LCLAT1: variants seen among roughly 807,000 people sequenced by gnomAD.
LCLAT1 encodes the protein 1-AGP acyltransferase 8.
In LCLAT1, 11 loss-of-function variants were observed where a neutral mutation model predicts 30.7. The ratio of observed to expected loss-of-function variants is 0.36; its 90% confidence interval spans 0.23 to 0.59. The LOEUF (loss-of-function observed/expected upper bound fraction) is 0.59. LCLAT1 is among the 20% of genes least tolerant of loss of function. The probability of loss-of-function intolerance (pLI) is 0.77; values close to 1 mark genes in which losing one functional copy is unlikely to be tolerated. For synonymous variants in LCLAT1, 155 were observed against 151.3 expected (o/e 1.02, Z -0.18); for missense variants, 402 against 458.6 (o/e 0.88, Z 1.13).
intron 1 of LCLAT1, among the ~76,000 whole-genome samples, chr2:30,493,950 C>G (rs975125115): frequency 1.3e-5 from 2 of 152,108 alleles, no homozygotes; most frequent in African/African-American, 2.4e-5. Context: ...GTCAGGCGTT[C>G]AAGACCAGCC....
At chr2:30,448,895 G>C (rs2148248104) in intron 1 of LCLAT1, among the ~76,000 whole-genome samples, 1 of 152,228 alleles carries the variant, frequency 6.6e-6, no homozygotes, top group South Asian at 2.1e-4. Context: ...TCATTGCACT[G>C]TTGGGAGGAA....
At chr2:30,456,998 T>C (rs1681870870) in intron 1 of LCLAT1, among the ~76,000 whole-genome samples, 1 of 152,216 alleles carries the variant, frequency 6.6e-6, no homozygotes. Context: ...TTTGGGTTAG[T>C]TACTTGGAAG....
chr2:30,552,467 C>A, intron 3 of LCLAT1: 1 of 411,812 alleles, frequency 2.4e-6, no homozygotes, highest in Non-Finnish European at 5.0e-6. Flanking sequence ...ATATTTTATA[C>A]TTTGATTTCT....
intron 1 of LCLAT1, among the ~76,000 whole-genome samples, chr2:30,487,984 T>C (rs1045853316): frequency 6.6e-6 from 1 of 152,236 alleles, no homozygotes; most frequent in Admixed American, 6.5e-5. Context: ...TGCATTCCTC[T>C]GAATATACCA....
At chr2:30,518,363 T>C (rs1303788092) in intron 1 of LCLAT1, among the ~76,000 whole-genome samples, 2 of 152,178 alleles carry the variant, frequency 1.3e-5, no homozygotes, top group Non-Finnish European at 2.9e-5. Flanking sequence ...CAGTAATTGA[T>C]AGGAAAACTC....
chr2:30,563,597 T>A (rs1467795249), intron 4 of LCLAT1, among the ~76,000 whole-genome samples: 1 of 152,188 alleles, frequency 6.6e-6, no homozygotes, highest in Non-Finnish European at 1.5e-5. Context: ...AGAACTGAAG[T>A]CTAAAATCTG....
At chr2:30,602,794 T>C (rs1240190423) in intron 5 of LCLAT1, among the ~76,000 whole-genome samples, 3 of 152,192 alleles carry the variant, frequency 2.0e-5, no homozygotes, top group African/African-American at 7.2e-5. Context: ...CCTGGAGTGC[T>C]ACTCTTCACA....
intron 1 of LCLAT1, among the ~76,000 whole-genome samples, chr2:30,468,012 C>A (rs1682538276): frequency 6.6e-6 from 1 of 152,160 alleles, no homozygotes; most frequent in African/African-American, 2.4e-5. Flanking sequence ...GAAGTCCTTG[C>A]CCATGCCTAT....
At chr2:30,603,322 G>A (rs543809189) in intron 5 of LCLAT1, among the ~76,000 whole-genome samples, 5 of 151,874 alleles carry the variant, frequency 3.3e-5, no homozygotes, top group African/African-American at 7.2e-5. Flanking sequence ...TACAGTGAAC[G>A]AAAAAGACAG....
chr2:30,595,188 C>T (rs530494557), intron 5 of LCLAT1, among the ~76,000 whole-genome samples: 1 of 152,230 alleles, frequency 6.6e-6, no homozygotes, highest in African/African-American at 2.4e-5. Flanking sequence ...TACCTCTTTT[C>T]TTTCTAGGGA....
At chr2:30,558,341 T>C (rs1315209426) in intron 3 of LCLAT1, among the ~76,000 whole-genome samples, 2 of 152,202 alleles carry the variant, frequency 1.3e-5, no homozygotes, top group Non-Finnish European at 2.9e-5. Context: ...GGCTCATGCC[T>C]GTAATCCCAG....
intron 2 of LCLAT1, among the ~76,000 whole-genome samples, chr2:30,526,358 C>T (rs1166919119): frequency 6.6e-6 from 1 of 151,986 alleles, no homozygotes; most frequent in Non-Finnish European, 1.5e-5. Flanking sequence ...TTCTGTTTAT[C>T]TGTTTTCAAG....
At chr2:30,590,806 A>G (rs1263052232) in intron 5 of LCLAT1, among the ~76,000 whole-genome samples, 1 of 152,082 alleles carries the variant, frequency 6.6e-6, no homozygotes, top group Non-Finnish European at 1.5e-5. Flanking sequence ...TACACAAATA[A>G]AACAAAGTTC....
At chr2:30,619,968 C>T (rs2148515131) in intron 5 of LCLAT1, among the ~76,000 whole-genome samples, 1 of 152,284 alleles carries the variant, frequency 6.6e-6, no homozygotes, top group Middle Eastern at 3.4e-3. Flanking sequence ...GTAATTCACT[C>T]TGTCCTGTAA....
chr2:30,631,700 A>C (rs1009935168), intron 5 of LCLAT1, among the ~76,000 whole-genome samples: 5 of 152,242 alleles, frequency 3.3e-5, no homozygotes, highest in Non-Finnish European at 5.9e-5. Flanking sequence ...GTTTTCACTG[A>C]AGAAGCTTGA....
At chr2:30,568,697 G>A (rs868031660) in intron 5 of LCLAT1, among the ~76,000 whole-genome samples, 2 of 150,110 alleles carry the variant, frequency 1.3e-5, no homozygotes, top group East Asian at 2.0e-4. Flanking sequence ...TCAGTAGAGA[G>A]GGGGTTTCAA....
chr2:30,539,017 T>A (rs1441825721), intron 3 of LCLAT1, among the ~76,000 whole-genome samples: 2 of 151,196 alleles, frequency 1.3e-5, no homozygotes, highest in African/African-American at 2.4e-5. Context: ...TGGAGTGCAG[T>A]GGTGTGATAT....
chr2:30,562,332 G>C (rs749196399), intron 4 of LCLAT1, 40 bp downstream of exon 4: 2 of 1,501,536 alleles, frequency 1.3e-6, no homozygotes. Flanking sequence ...AAATCATGTA[G>C]TCTAAACTTC....
chr2:30,468,709 G>A (rs537199573), intron 1 of LCLAT1, among the ~76,000 whole-genome samples: 8 of 152,208 alleles, frequency 5.3e-5, no homozygotes, highest in African/African-American at 1.9e-4. Flanking sequence ...CCAGCCTCTG[G>A]CAACCACCAG....
Sources: gnomAD v4.1 joint callset for allele counts (sites outside exome capture counted in the v4.1 genomes callset) on GRCh38, gnomAD v4.1.1 for gene constraint, MANE v1.5 for transcripts, NCBI Gene and HGNC (gene_info 2026-07-23, HGNC 2026-07-21) for gene names.